SGIP1: variants seen among roughly 807,000 people sequenced by gnomAD.
SGIP1 encodes the protein SH3-containing GRB2-like protein 3-interacting protein 1.
In SGIP1, 38 loss-of-function variants were observed where a neutral mutation model predicts 107.5. That is an observed-to-expected ratio of 0.35 (90% confidence interval 0.27 to 0.46). SGIP1 has a LOEUF of 0.46. SGIP1 is among the 20% of genes least tolerant of loss of function. SGIP1 has a pLI of 1.00. For synonymous variants in SGIP1, 365 were observed against 366.1 expected, an observed-to-expected ratio of 1.00 and a Z score of 0.03; for missense variants, 929 against 1,019.5, an observed-to-expected ratio of 0.91 and a Z score of 1.21.
chr1:66,555,971 C>T lies in SGIP1; in HGVS notation c.10+21603C>T, dbSNP rs143658127. Among the ~76,000 whole-genome samples the T allele has an allele frequency of 7.9e-5, 12 of 152,230 alleles. No individual in the cohort carries two copies. In the East Asian group the frequency reaches 1.2e-3, roughly 15 times the overall value. On this transcript the variant is annotated intron_variant, in intron 1 of 24. Coordinates refer to ENST00000371037, the MANE Select transcript of SGIP1 (RefSeq NM_032291.4). ...TGGTTAAGCCAGGATTTGAACCCCG[C>T]GATTCTGGCTACAGATGTGCAATCA...
chr1:66,543,302 C>T (rs2055473403), intron 1 of SGIP1, among the ~76,000 whole-genome samples: 1 of 152,092 alleles, frequency 6.6e-6, no homozygotes, highest in Non-Finnish European at 1.5e-5. Flanking sequence ...CTGAGGAGGA[C>T]AGCTCGGTGT....
At chr1:66,573,395 A>G (rs957910900) in intron 1 of SGIP1, among the ~76,000 whole-genome samples, 1 of 152,130 alleles carries the variant, frequency 6.6e-6, no homozygotes, top group Non-Finnish European at 1.5e-5. Context: ...TAACCCAGCA[A>G]TCTCGTTACT....
chr1:66,600,362 A>AC (rs35236587), intron 1 of SGIP1, among the ~76,000 whole-genome samples: 2 of 151,836 alleles, frequency 1.3e-5, no homozygotes, highest in Admixed American at 6.5e-5. Context: ...TAGCACAGAG[A>AC]CCCCCCTCCT....
chr1:66,671,846 T>C lies in SGIP1; in HGVS notation c.509-98T>C, dbSNP rs2083898400. ...GTTTTCATACTGAGTTGCTTATTGA[T>C]GGGACTTAAATCTCTAAGTGTTTCC... On this transcript the variant is annotated intron_variant, in intron 10 of 24. Transcript: ENST00000371037. 34 of 1,146,214 alleles carry C rather than the reference T, an allele frequency of 3.0e-5. No homozygotes were observed. The South Asian group carries it at 4.2e-4, about 14-fold the overall frequency. 71.0% of individuals were successfully genotyped at this position (1,146,214 alleles called of 1,614,324 possible).
At chr1:66,638,160 T>C (rs181371673) in intron 4 of SGIP1, among the ~76,000 whole-genome samples, 7 of 152,242 alleles carry the variant, frequency 4.6e-5, no homozygotes, top group African/African-American at 1.7e-4. Context: ...AGTGGAGCAC[T>C]TTGCAAAGAA....
chr1:66,638,867 G>T (rs1296504477), intron 4 of SGIP1, among the ~76,000 whole-genome samples: 1 of 152,180 alleles, frequency 6.6e-6, no homozygotes. Context: ...GATGTGTGTT[G>T]TTCTGAGATC....
intron 5 of SGIP1, among the ~76,000 whole-genome samples, chr1:66,640,586 T>C (rs2076592623): frequency 6.6e-6 from 1 of 151,818 alleles, no homozygotes; most frequent in Admixed American, 6.6e-5. Flanking sequence ...ATCACAAATG[T>C]TGGGAAGGAG....
In SGIP1 at chr1:66,660,941, C is replaced by A. The variant is rs572282202; in HGVS notation, c.471+417C>A. ...GCATCTGGAATGCCTATGAAGCTGGCCCGGGAATGGGGAGTTGTAGGGAAG... is the reference window on the plus strand; with the variant it reads ...GCATCTGGAATGCCTATGAAGCTGGACCGGGAATGGGGAGTTGTAGGGAAG... On this transcript the variant is annotated intron_variant, in intron 8 of 24. Coordinates refer to ENST00000371037, the MANE Select transcript of SGIP1 (RefSeq NM_032291.4). 3.3e-5 allele frequency among the ~76,000 whole-genome samples: 5 copies of A among 152,226 alleles called. No homozygotes were observed. The South Asian group carries it at 1.0e-3, about 32-fold the overall frequency.
At chr1:66,607,876 G>A (rs576409945) in intron 1 of SGIP1, among the ~76,000 whole-genome samples, 1 of 152,302 alleles carries the variant, frequency 6.6e-6, no homozygotes, top group African/African-American at 2.4e-5. Context: ...CAAGAAAACT[G>A]AGTAGATCAG....
At chr1:66,622,496 G>A (rs1445533246) in intron 1 of SGIP1, among the ~76,000 whole-genome samples, 2 of 152,014 alleles carry the variant, frequency 1.3e-5, no homozygotes, top group Non-Finnish European at 2.9e-5. Flanking sequence ...TATTTGTCTG[G>A]TAACATTATA....
chr1:66,706,174 A>G (rs1026229512), intron 18 of SGIP1, among the ~76,000 whole-genome samples: 3 of 151,500 alleles, frequency 2.0e-5, no homozygotes, highest in East Asian at 3.8e-4. Flanking sequence ...GTTTTTGGTA[A>G]AATCTGAAAT....
intron 19 of SGIP1, among the ~76,000 whole-genome samples, chr1:66,726,726 C>T (rs1034461845): frequency 6.6e-6 from 1 of 152,174 alleles, no homozygotes; most frequent in African/African-American, 2.4e-5. Context: ...ATACTTGACA[C>T]TATATACATT....
chr1:66,681,817 C>G, intron 14 of SGIP1, 52 bp from the exon 15 acceptor site: 1 of 1,550,826 alleles, frequency 6.4e-7, no homozygotes, highest in Non-Finnish European at 8.7e-7. Context: ...CCCTCACTCC[C>G]CACACAAATA....
intron 1 of SGIP1, among the ~76,000 whole-genome samples, chr1:66,556,107 C>T (rs1664348): frequency 2.6e-5 from 4 of 152,234 alleles, no homozygotes; most frequent in African/African-American, 9.6e-5. Flanking sequence ...AAAATAGCTC[C>T]TAAGTCAGCC....
chr1:66,669,500 C>G (rs565353633), intron 9 of SGIP1, among the ~76,000 whole-genome samples: 5 of 152,130 alleles, frequency 3.3e-5, no homozygotes, highest in Non-Finnish European at 7.4e-5. Context: ...TCCTTCAGAT[C>G]TTATTAATGA....
In SGIP1 at chr1:66,682,445, C is replaced by T. The variant is rs987756473; in HGVS notation, c.1315+76C>T. The T allele has an allele frequency of 3.2e-5, 48 of 1,520,672 alleles. No individual in the cohort carries two copies. In the African/African-American group the frequency reaches 6.4e-4, roughly 20 times the overall value. 94.2% of individuals were successfully genotyped at this position (1,520,672 alleles called of 1,614,324 possible). A position where few individuals can be genotyped will look rare whatever the true frequency, so the allele number is the denominator to read the frequency against. On this transcript the variant is annotated intron_variant, in intron 15 of 24. Coordinates refer to ENST00000371037, the MANE Select transcript of SGIP1 (RefSeq NM_032291.4). ...GCTGCAGTGTGAGCAACACCGTCCTCCTGCCTGGCAGCTGGCTTCAGAGCT... is the reference window on the plus strand; with the variant it reads ...GCTGCAGTGTGAGCAACACCGTCCTTCTGCCTGGCAGCTGGCTTCAGAGCT...
At chr1:66,686,818 A>C (rs2088443388) in intron 15 of SGIP1, among the ~76,000 whole-genome samples, 1 of 152,226 alleles carries the variant, frequency 6.6e-6, no homozygotes, top group South Asian at 2.1e-4. Context: ...TGAACAACGA[A>C]CTTTTTTTTG....
At chr1:66,674,879 A>G (rs2084820644) in intron 12 of SGIP1, among the ~76,000 whole-genome samples, 1 of 152,224 alleles carries the variant, frequency 6.6e-6, no homozygotes, top group Non-Finnish European at 1.5e-5. Context: ...CTGTTACTAT[A>G]GAAGAACTGG....
At chr1:66,595,223 A>G (rs2064401187) in intron 1 of SGIP1, among the ~76,000 whole-genome samples, 2 of 152,198 alleles carry the variant, frequency 1.3e-5, no homozygotes, top group Admixed American at 6.5e-5. Flanking sequence ...ACCACTGTTA[A>G]CAAACAGCTG....
Sources: allele counts gnomAD v4.1 joint callset (sites outside exome capture counted in the v4.1 genomes callset), GRCh38; gene constraint gnomAD v4.1.1; transcripts MANE v1.5; gene names NCBI Gene and HGNC (gene_info 2026-07-23, HGNC 2026-07-21).